GUCY2F: variants seen among roughly 807,000 people sequenced by gnomAD.
The protein encoded by GUCY2F is guanylate cyclase 2F, retinal, also known as retinal guanylyl cyclase 2.
In GUCY2F, 61 loss-of-function variants were observed where a neutral mutation model predicts 73.1. The ratio of observed to expected loss-of-function variants is 0.83; its 90% CI spans 0.68 to 1.03. The LOEUF is 1.03. GUCY2F is among the 50% of genes least tolerant of loss of function. The pLI is 0.00. For missense variants in GUCY2F, 912 were observed against 854.3 expected (o/e 1.07, Z -0.84); for synonymous variants, 331 against 307.8 (o/e 1.08, Z -0.79).
chrX:109,475,035 G>T (rs1456887680), intron 2 of GUCY2F, among the ~76,000 whole-genome samples, 172 bp downstream of exon 2: 1 of 112,195 alleles, frequency 8.9e-6, no homozygotes, highest in Middle Eastern at 4.3e-3. Context: ...CATAAAATAG[G>T]CTCTGTTGAA....
In GUCY2F at chrX:109,448,133, C is replaced by G; in HGVS notation, c.1505G>C (p.Gly502Ala). 1 of 1,115,275 alleles carries G rather than the reference C, an allele frequency of 9.0e-7. No homozygotes were observed. Among genetic ancestry groups the G allele is most frequent in the South Asian group, 1.8e-5 (1 of 54,571 alleles). 91.9% of individuals were successfully genotyped at this position (1,115,275 alleles called of 1,213,427 possible). The change falls in exon 6 of 20, where the codon GGA becomes GCA. Residue 502 changes from glycine (G) to alanine (A), a missense_variant. By Grantham distance (60) the Gly-to-Ala change is moderately conservative. Coordinates refer to ENST00000218006, the MANE Select transcript of GUCY2F (RefSeq NM_001522.3). ...RRINKIQLIK[G>A]PNRILLTLED... ...CAAAGTCAGTAGAATTCTATTGGGT[C>G]CTTTGATCAACTGGATTTTATTTAT...
intron 1 of GUCY2F, among the ~76,000 whole-genome samples, chrX:109,477,373 C>T (rs1322964181): frequency 3.6e-5 from 4 of 111,418 alleles, no homozygotes; most frequent in Admixed American, 9.5e-5. Flanking sequence ...GTGGGAGAGA[C>T]GATGCATTCT....
At chrX:109,430,887 TCG>T (rs1168231197) in intron 7 of GUCY2F, among the ~76,000 whole-genome samples, 1 of 111,275 alleles carries the variant, frequency 9.0e-6, no homozygotes, top group East Asian at 2.8e-4. Flanking sequence ...GACAGGCCAT[TCG>T]TGTGTGTGTA....
chrX:109,444,033 A>G (rs1931938261), intron 6 of GUCY2F, among the ~76,000 whole-genome samples: 1 of 111,792 alleles, frequency 8.9e-6, no homozygotes, highest in Non-Finnish European at 1.9e-5. Flanking sequence ...TATACAAGGC[A>G]TGTTGAGTAT....
intron 3 of GUCY2F, among the ~76,000 whole-genome samples, chrX:109,455,094 T>C (rs745804037): frequency 9.0e-6 from 1 of 111,533 alleles, no homozygotes; most frequent in Non-Finnish European, 1.9e-5. Context: ...CACATTAGAA[T>C]TACCTGAAGA....
intron 11 of GUCY2F, among the ~76,000 whole-genome samples, chrX:109,396,089 C>T (rs1050375400): frequency 1.8e-5 from 2 of 111,966 alleles, no homozygotes; most frequent in African/African-American, 6.5e-5. Context: ...GAGGTAGGCA[C>T]TCTTATTTTA....
At chrX:109,480,749 A>AT (rs994378945) in intron 1 of GUCY2F, among the ~76,000 whole-genome samples, 1 of 109,825 alleles carries the variant, frequency 9.1e-6, no homozygotes, top group African/African-American at 3.3e-5. Flanking sequence ...CTGCCCTTAC[A>AT]TTTTTTCTGG....
chrX:109,465,367 C>G lies in GUCY2F; in HGVS notation c.807G>C (p.Leu269=), dbSNP rs748652317. 8.3e-7 allele frequency: 1 copy of G among 1,201,981 alleles called. No individual in the cohort carries two copies. Among genetic ancestry groups the G allele is most frequent in the East Asian group, 3.0e-5 (1 of 33,810 alleles). ...AGACGTAGGTTCCATCAGTCATTTT[C>G]AGATCATGAGCACATTCCAAGAGAT... ...QMHLLECAHD[L]KMTDGTYVFV... is the part of the protein sequence containing the mutation. The change falls in exon 3 of 20, where the codon CTG becomes CTC. Residue 269 remains leucine, a synonymous_variant. Transcript: ENST00000218006.
intron 3 of GUCY2F, 56 bp downstream of exon 3, chrX:109,465,086 T>C (rs1290158352): frequency 6.6e-6 from 6 of 912,364 alleles, no homozygotes; most frequent in Admixed American, 2.6e-5. Context: ...GAAAATAATT[T>C]ACCATGCTGA....
At chrX:109,455,422 A>T (rs1236254147) in intron 3 of GUCY2F, among the ~76,000 whole-genome samples, 1 of 111,944 alleles carries the variant, frequency 8.9e-6, no homozygotes, top group Non-Finnish European at 1.9e-5. Context: ...AAAGGGAGAC[A>T]CAGAGAAGTT....
At chrX:109,448,880 T>C (rs1213545127) in intron 5 of GUCY2F, among the ~76,000 whole-genome samples, 1 of 112,274 alleles carries the variant, frequency 8.9e-6, no homozygotes, top group Non-Finnish European at 1.9e-5. Context: ...ACAGACACAG[T>C]TTAAACCCGA....
chrX:109,446,909 G>T (rs970833611), intron 6 of GUCY2F, among the ~76,000 whole-genome samples: 5 of 111,694 alleles, frequency 4.5e-5, no homozygotes, highest in South Asian at 3.8e-4. Flanking sequence ...AATCTACAAA[G>T]AACTTAAACA....
chrX:109,446,502 C>T (rs1932014183), intron 6 of GUCY2F, among the ~76,000 whole-genome samples: 1 of 110,329 alleles, frequency 9.1e-6, no homozygotes, highest in Non-Finnish European at 1.9e-5. Flanking sequence ...TTTGACAAAC[C>T]TGACAAAATC....
At chrX:109,474,926 T>C (rs1268634926) in intron 2 of GUCY2F, among the ~76,000 whole-genome samples, 1 of 112,236 alleles carries the variant, frequency 8.9e-6, no homozygotes, top group African/African-American at 3.2e-5. Flanking sequence ...GATGTATGGC[T>C]ACAGTGCTCT....
At position 109,452,608 on chromosome X, in the gene GUCY2F, A is replaced by C. The variant is rs73248159; in HGVS notation, c.1388-501T>G. Among the ~76,000 whole-genome samples the C allele has an allele frequency of 7.8e-3, 870 of 112,087 alleles. 8 individuals carry two copies. Among genetic ancestry groups the C allele is most frequent in the Non-Finnish European group, 0.011 (608 of 53,171 alleles). On this transcript the variant is annotated intron_variant, in intron 4 of 19. Transcript: ENST00000218006. ...TTTGATAATTAGTGTTTTCATCAGA[A>C]TGTAAATTAGTCTCCATAAAATCTA... is the stretch of plus-strand genomic sequence containing the variant.
rs113612238 is a variant in GUCY2F at position 109,398,637 on chromosome X, A to C, written c.2187T>G (p.Phe729Leu). 9 of 1,209,295 alleles carry C rather than the reference A, an allele frequency of 7.4e-6. No individual in the cohort carries two copies. In the South Asian group the frequency reaches 1.6e-4, roughly 21 times the overall value. The change falls in exon 11 of 20, where the codon TTT becomes TTG. Residue 729 changes from phenylalanine (F) to leucine (L), a missense_variant. Physicochemically the swap from Phe to Leu is conservative, Grantham distance 22. Coordinates refer to ENST00000218006, the MANE Select transcript of GUCY2F (RefSeq NM_001522.3). ...TGGCAAAGCTATAGACATCTCCTGC[A>C]AAAGAACCTAACCTGCTGCCTCTTG... ...RAPRGSRLGSFAGDVYSFAII... is the reference protein window; with the variant it reads ...RAPRGSRLGSLAGDVYSFAII...
rs143090855 is a variant in GUCY2F at position 109,382,257 on chromosome X, C to T, written c.3056-45G>A. On this transcript the variant is annotated intron_variant, in intron 16 of 19. Coordinates refer to ENST00000218006, the MANE Select transcript of GUCY2F (RefSeq NM_001522.3). ...ATGATTTGGGCTCCTTTCTCACTGGCAAAATTAATGAGAAAATGTCAATGT... is the reference window on the plus strand; with the variant it reads ...ATGATTTGGGCTCCTTTCTCACTGGTAAAATTAATGAGAAAATGTCAATGT... 4.9e-3 allele frequency: 3,489 copies of T among 705,711 alleles called. 30 individuals carry two copies. Among genetic ancestry groups the T allele is most frequent in the African/African-American group, 0.043 (2,009 of 47,234 alleles). The allele number at this position is 705,711 out of a possible 1,213,427, so 58.2% of individuals were successfully genotyped here.
At chrX:109,423,922 CATACA>C (rs1931426526) in intron 8 of GUCY2F, among the ~76,000 whole-genome samples, 1 of 110,624 alleles carries the variant, frequency 9.0e-6, no homozygotes, top group African/African-American at 3.3e-5. Context: ...ACAAAGCAGG[CATACA>C]ATAGAGAACA....
At chrX:109,404,299 G>A (rs755480897) in intron 10 of GUCY2F, 29 bp downstream of exon 10, 17 of 1,064,849 alleles carry the variant, frequency 1.6e-5, no homozygotes, top group Non-Finnish European at 2.1e-5. Context: ...TACCTCGTGT[G>A]CATCAGAAGG....
Sources: gnomAD v4.1 joint callset for allele counts (sites outside exome capture counted in the v4.1 genomes callset) on GRCh38, gnomAD v4.1.1 for gene constraint, MANE v1.5 for transcripts, NCBI Gene and HGNC (gene_info 2026-07-23, HGNC 2026-07-21) for gene names.